The following TTC3 variants were observed in gnomAD, a reference collection of about 807,000 sequenced individuals.
The protein encoded by TTC3 is tetratricopeptide repeat domain 3.
In TTC3, 180 loss-of-function variants were observed where a neutral mutation model predicts 249.6. The ratio of observed to expected loss-of-function variants is 0.72; its 90% CI spans 0.64 to 0.82. The LOEUF is 0.82. Among genes scored for constraint, TTC3 ranks in the 40% least tolerant of loss-of-function variants. The pLI is 0.00. For missense variants in TTC3, 2,061 were observed against 2,398.4 expected (o/e 0.86, Z 2.94); for synonymous variants, 717 against 805.0 (o/e 0.89, Z 1.85).
intron 32 of TTC3, 55 bp from the exon 33 acceptor site, chr21:37,165,495 G>C (rs2081167354): frequency 7.4e-7 from 1 of 1,357,536 alleles, no homozygotes; most frequent in Non-Finnish European, 1.0e-6. Context: ...TTTTCAAATA[G>C]ACATATTCAA....
chr21:37,124,721 C>T (rs142345137), exon 14 of TTC3: 70 of 1,612,964 alleles, frequency 4.3e-5, no homozygotes, highest in African/African-American at 4.0e-4. Flanking sequence ...AAATGGCCAA[C>T]GGTGGTAATC....
chr21:37,135,665 G>A (rs752738424), intron 18 of TTC3, 151 bp downstream of exon 18: 73 of 867,020 alleles, frequency 8.4e-5, no homozygotes, highest in Non-Finnish European at 1.2e-4. Context: ...AGCAGGTACT[G>A]CTCCAATTCA....
intron 9 of TTC3, 63 bp from the exon 10 acceptor site, chr21:37,096,518 A>T: frequency 1.5e-6 from 2 of 1,308,122 alleles, no homozygotes; most frequent in Non-Finnish European, 2.2e-6. Flanking sequence ...TATGTTTTCT[A>T]CGTGATTTTT....
intron 33 of TTC3, among the ~76,000 whole-genome samples, chr21:37,167,156 G>C (rs1247573478): frequency 6.6e-6 from 1 of 152,190 alleles, no homozygotes; most frequent in African/African-American, 2.4e-5. Flanking sequence ...GTCAAACCAG[G>C]GGAGGAATGA....
At chr21:37,162,091 C>A in intron 31 of TTC3, 28 bp downstream of exon 31, 2 of 1,359,100 alleles carry the variant, frequency 1.5e-6, no homozygotes, top group Non-Finnish European at 2.0e-6. Flanking sequence ...ATTTTTGCTT[C>A]ATTTTAACTC....
chr21:37,148,061 G>T (rs1601787133), intron 22 of TTC3, among the ~76,000 whole-genome samples: 1 of 152,252 alleles, frequency 6.6e-6, no homozygotes, highest in Middle Eastern at 3.4e-3. Context: ...GTCTCACATG[G>T]GAACCAGAGC....
chr21:37,089,553 G>A (rs777046768), intron 5 of TTC3, among the ~76,000 whole-genome samples: 24 of 151,964 alleles, frequency 1.6e-4, no homozygotes, highest in Non-Finnish European at 3.4e-4. Context: ...ACCCTCTGTC[G>A]CCCATGCTGG....
chr21:37,147,395 T>G, intron 21 of TTC3, 86 bp from the exon 22 acceptor site: 2 of 1,274,216 alleles, frequency 1.6e-6, no homozygotes, highest in Non-Finnish European at 2.1e-6. Flanking sequence ...GAAAATATTT[T>G]GATGGCAAGA....
chr21:37,165,099 G>T (rs560481141), intron 32 of TTC3, among the ~76,000 whole-genome samples: 2 of 152,260 alleles, frequency 1.3e-5, no homozygotes, highest in South Asian at 4.2e-4. Flanking sequence ...TTTGCTTCAG[G>T]CATCCAAAAG....
chr21:37,147,782 G>T (rs1173077113), intron 22 of TTC3, among the ~76,000 whole-genome samples, 179 bp downstream of exon 22: 2 of 151,198 alleles, frequency 1.3e-5, no homozygotes, highest in Admixed American at 1.3e-4. Context: ...AGGCTGGAGT[G>T]CAGTGGCACG....
chr21:37,197,511 A>G, intron 42 of TTC3, 59 bp from the exon 43 acceptor site: 1 of 1,604,794 alleles, frequency 6.2e-7, no homozygotes, highest in Non-Finnish European at 8.5e-7. Context: ...ATTGGCATGT[A>G]ATATTTCTTA....
intron 11 of TTC3, among the ~76,000 whole-genome samples, chr21:37,116,888 C>T (rs2076187057): frequency 6.6e-6 from 1 of 151,962 alleles, no homozygotes; most frequent in African/African-American, 2.4e-5. Context: ...GTATTTCATA[C>T]TTCATTCCTG....
At chr21:37,139,533 A>C (rs142966994) in intron 19 of TTC3, among the ~76,000 whole-genome samples, 1 of 152,130 alleles carries the variant, frequency 6.6e-6, no homozygotes, top group African/African-American at 2.4e-5. Context: ...CTAACTTGCC[A>C]CCTAGTGAGG....
At chr21:37,139,197 T>C (rs1306594321) in intron 19 of TTC3, among the ~76,000 whole-genome samples, 6 of 152,182 alleles carry the variant, frequency 3.9e-5, no homozygotes, top group Admixed American at 3.9e-4. Flanking sequence ...CGTGTTATGC[T>C]GTTTTCCTAG....
intron 1 of TTC3, among the ~76,000 whole-genome samples, chr21:37,076,635 G>C (rs1365445514): frequency 6.7e-6 from 1 of 148,756 alleles, no homozygotes; most frequent in South Asian, 2.1e-4. Context: ...ACAGGTTCTT[G>C]TGGAATCTTA....
At chr21:37,101,110 C>T (rs536212187) in intron 10 of TTC3, 2 of 152,154 alleles carry the variant, frequency 1.3e-5, no homozygotes, top group Admixed American at 6.5e-5. Flanking sequence ...TAGCTTGAAT[C>T]GTTTTTGAAT....
intron 1 of TTC3, among the ~76,000 whole-genome samples, chr21:37,084,962 C>T (rs1412871410): frequency 1.3e-5 from 2 of 151,918 alleles, no homozygotes; most frequent in Non-Finnish European, 2.9e-5. Flanking sequence ...CAGTGCACTC[C>T]AGCCTGGGCG....
At chr21:37,153,440 G>A (rs759035992) in intron 27 of TTC3, 163 bp downstream of exon 27, 47 of 685,754 alleles carry the variant, frequency 6.9e-5, no homozygotes, top group Non-Finnish European at 9.6e-5. Flanking sequence ...CTTGGGAGGC[G>A]GAGGCAGGAT....
chr21:37,145,974 A>G (rs1286487341), intron 21 of TTC3, among the ~76,000 whole-genome samples: 5 of 152,240 alleles, frequency 3.3e-5, no homozygotes, highest in African/African-American at 1.2e-4. Flanking sequence ...TGGAGGGTCA[A>G]ACATTCAAAC....
Sources: gnomAD v4.1 joint callset for allele counts (sites outside exome capture counted in the v4.1 genomes callset) on GRCh38, gnomAD v4.1.1 for gene constraint, MANE v1.5 for transcripts, NCBI Gene and HGNC (gene_info 2026-07-23, HGNC 2026-07-21) for gene names.